Variants in ASPH observed in about 807,000 individuals in gnomAD.
ASPH encodes aspartate beta-hydroxylase, also known as aspartyl/asparaginyl beta-hydroxylase.
Under a neutral mutation model 118.4 loss-of-function variants are expected in ASPH, and 100 were observed. That is an observed-to-expected ratio of 0.84 (90% CI 0.72 to 1.00). The LOEUF is 1.00. Among genes scored for constraint, ASPH ranks in the 50% least tolerant of loss-of-function variants. The probability of loss-of-function intolerance (pLI) is 0.00; values close to 1 mark genes in which losing one functional copy is unlikely to be tolerated. For missense variants in ASPH, 920 were observed against 919.5 expected (o/e 1.00, Z -0.01); for synonymous variants, 315 against 325.6 (o/e 0.97, Z 0.35).
chr8:61,640,217 T>C (rs758819566), intron 10 of ASPH, among the ~76,000 whole-genome samples: 1 of 152,156 alleles, frequency 6.6e-6, no homozygotes, highest in Non-Finnish European at 1.5e-5. Context: ...GAGAGAGATG[T>C]GATGCACGGA....
chr8:61,597,071 A>C (rs1285026375), intron 14 of ASPH, among the ~76,000 whole-genome samples: 1 of 152,094 alleles, frequency 6.6e-6, no homozygotes, highest in Non-Finnish European at 1.5e-5. Flanking sequence ...TCAACCGGGA[A>C]CTAAAGAATT....
intron 14 of ASPH, among the ~76,000 whole-genome samples, chr8:61,601,300 T>C (rs1342370713): frequency 6.6e-6 from 1 of 151,006 alleles, no homozygotes; most frequent in Non-Finnish European, 1.5e-5. Flanking sequence ...CCTTTGTAAG[T>C]GGGAGGCTGA....
At chr8:61,612,886 C>T (rs1424946164) in intron 14 of ASPH, among the ~76,000 whole-genome samples, 1 of 152,200 alleles carries the variant, frequency 6.6e-6, no homozygotes, top group Non-Finnish European at 1.5e-5. Flanking sequence ...TTTGTAGACA[C>T]TTAAAGTTAA....
At chr8:61,698,228 C>T (rs1834394313) in intron 1 of ASPH, among the ~76,000 whole-genome samples, 1 of 152,226 alleles carries the variant, frequency 6.6e-6, no homozygotes, top group Non-Finnish European at 1.5e-5. Context: ...GAAAAAGGCA[C>T]AGAAACAGCT....
intron 19 of ASPH, among the ~76,000 whole-genome samples, chr8:61,554,850 C>T (rs1392919000): frequency 2.0e-5 from 3 of 152,110 alleles, no homozygotes; most frequent in Non-Finnish European, 4.4e-5. Flanking sequence ...TAGCTGGGAC[C>T]ACAGGCATGT....
rs73269256 is a variant in ASPH at position 61,688,612 on chromosome 8, C to T, written c.104-4424G>A. On this transcript the variant is annotated intron_variant, in intron 1 of 24. Transcript: ENST00000379454. Reference sequence around the variant, plus strand: ...CATTATGTTGGGAATTTCATATTTACACATAAACTCTACACATTTAAAGTT... The same window carrying T: ...CATTATGTTGGGAATTTCATATTTATACATAAACTCTACACATTTAAAGTT... Among the ~76,000 whole-genome samples the T allele has an allele frequency of 5.3e-3, 813 of 152,278 alleles. 8 individuals are homozygous for T. Among genetic ancestry groups the T allele is most frequent in the African/African-American group, 0.019 (775 of 41,554 alleles).
chr8:61,554,437 T>C (rs536751185), intron 19 of ASPH, among the ~76,000 whole-genome samples: 1 of 152,116 alleles, frequency 6.6e-6, no homozygotes, highest in Non-Finnish European at 1.5e-5. Flanking sequence ...ATTTAAGTCA[T>C]GTGAAAGAAA....
intron 1 of ASPH, among the ~76,000 whole-genome samples, chr8:61,700,809 T>A (rs1365198153): frequency 6.6e-6 from 1 of 152,216 alleles, no homozygotes; most frequent in Non-Finnish European, 1.5e-5. Context: ...CTTTACATCA[T>A]CACCTTGTTT....
intron 14 of ASPH, among the ~76,000 whole-genome samples, chr8:61,614,595 G>A (rs983051018): frequency 6.6e-6 from 1 of 152,154 alleles, no homozygotes; most frequent in Non-Finnish European, 1.5e-5. Context: ...AGACTCCCGA[G>A]TAGCTGGGAC....
chr8:61,670,958 G>C (rs944823202), intron 3 of ASPH, among the ~76,000 whole-genome samples: 4 of 152,088 alleles, frequency 2.6e-5, no homozygotes, highest in African/African-American at 9.7e-5. Flanking sequence ...AGTTTAGAAT[G>C]ACTGCTAACA....
chr8:61,660,362 T>C (rs1312818762), intron 3 of ASPH: 1 of 152,164 alleles, frequency 6.6e-6, no homozygotes, highest in East Asian at 1.9e-4. Context: ...AGTGCATCAA[T>C]TCCTCCTCCT....
At chr8:61,686,537 AACAG>A (rs1830615640) in intron 1 of ASPH, among the ~76,000 whole-genome samples, 1 of 152,194 alleles carries the variant, frequency 6.6e-6, no homozygotes, top group Admixed American at 6.5e-5. Flanking sequence ...CATTTTTATA[AACAG>A]AAAGACTTAT....
chr8:61,674,345 C>T (rs1188004857), intron 3 of ASPH, among the ~76,000 whole-genome samples: 1 of 152,156 alleles, frequency 6.6e-6, no homozygotes, highest in African/African-American at 2.4e-5. Flanking sequence ...CTGAATGATA[C>T]TCATTTGTTG....
chr8:61,562,393 G>GTC (rs1272294295), intron 18 of ASPH, among the ~76,000 whole-genome samples: 2 of 145,670 alleles, frequency 1.4e-5, no homozygotes, highest in African/African-American at 5.1e-5. Flanking sequence ...GTGTGTCTGT[G>GTC]TGTGTGTGTG....
At chr8:61,641,812 T>C (rs781352190) in intron 10 of ASPH, among the ~76,000 whole-genome samples, 2 of 152,194 alleles carry the variant, frequency 1.3e-5, no homozygotes, top group Non-Finnish European at 2.9e-5. Context: ...ACATAGAAAG[T>C]CCTCCATATC....
chr8:61,714,469 G>A lies in ASPH; in HGVS notation c.-98C>T. ...AACCGCTGGCGGCGGCGGGCCGCTG[G>A]AGCGGGTTCGGGCCGCTGCTCCTGC... On this transcript the variant is annotated 5_prime_UTR_variant, in exon 1 of 25. Transcript: ENST00000379454. 2 of 1,361,426 alleles carry A rather than the reference G, an allele frequency of 1.5e-6. No individual in the cohort carries two copies. The highest frequency in any genetic ancestry group is 1.9e-6 in the Non-Finnish European group (2 of 1,057,604). 84.3% of individuals were successfully genotyped at this position (1,361,426 alleles called of 1,614,324 possible).
At chr8:61,569,568 A>C (rs891033805) in intron 16 of ASPH, among the ~76,000 whole-genome samples, 1 of 150,172 alleles carries the variant, frequency 6.7e-6, no homozygotes, top group African/African-American at 2.5e-5. Context: ...AAAATAAGAC[A>C]ACTATGGGAT....
intron 13 of ASPH, among the ~76,000 whole-genome samples, chr8:61,622,280 G>A (rs1406202667): frequency 5.9e-5 from 9 of 152,212 alleles, no homozygotes; most frequent in Non-Finnish European, 1.2e-4. Context: ...AGAGCTTATA[G>A]TGAGCCGAGA....
At chr8:61,554,478 T>TA (rs561401462) in intron 19 of ASPH, among the ~76,000 whole-genome samples, 4 of 150,982 alleles carry the variant, frequency 2.6e-5, no homozygotes, top group South Asian at 4.2e-4. Context: ...TATTGATACT[T>TA]AAAAAAAAAG....
Sources: allele counts gnomAD v4.1 joint callset (sites outside exome capture counted in the v4.1 genomes callset), GRCh38; gene constraint gnomAD v4.1.1; transcripts MANE v1.5; gene names NCBI Gene and HGNC (gene_info 2026-07-23, HGNC 2026-07-21).